Variants in NSMCE2 observed in about 807,000 individuals in gnomAD.
The protein encoded by NSMCE2 is E3 SUMO-protein ligase NSE2.
In NSMCE2, 24 loss-of-function variants were observed where a neutral mutation model predicts 23.8. The ratio of observed to expected loss-of-function variants is 1.01; its 90% confidence interval spans 0.73 to 1.42. The LOEUF is 1.42. Among genes scored for constraint, NSMCE2 ranks in the 40% most tolerant of loss-of-function variants. The pLI is 0.00. For missense variants in NSMCE2, 284 were observed against 296.5 expected (o/e 0.96, Z 0.31); for synonymous variants, 92 against 94.1 (o/e 0.98, Z 0.13).
intron 5 of NSMCE2, among the ~76,000 whole-genome samples, chr8:125,236,785 C>T (rs949809433): frequency 6.6e-6 from 1 of 151,906 alleles, no homozygotes; most frequent in Non-Finnish European, 1.5e-5. Context: ...TGCTCTATAC[C>T]ACTTGGTACA....
rs985597267 is a variant in NSMCE2 at position 125,294,798 on chromosome 8, C to T, written c.419-62421C>T. On this transcript the variant is annotated intron_variant, in intron 5 of 7. Transcript: ENST00000287437. ...CGCTATGAATTCATTCACAGTGTTC[C>T]GAGGCCTTTATCTGAGCTACTCAAG... 4.6e-5 allele frequency among the ~76,000 whole-genome samples: 7 copies of T among 152,158 alleles called. No individual in the cohort carries two copies. The East Asian group carries it at 5.8e-4, about 13-fold the overall frequency.
chr8:125,251,604 A>G (rs755569238), intron 5 of NSMCE2, among the ~76,000 whole-genome samples: 2 of 152,218 alleles, frequency 1.3e-5, no homozygotes, highest in Non-Finnish European at 2.9e-5. Context: ...AGTTTCCAGC[A>G]TATATTCCTG....
At chr8:125,327,256 A>G (rs1327945552) in intron 5 of NSMCE2, among the ~76,000 whole-genome samples, 1 of 118,446 alleles carries the variant, frequency 8.4e-6, no homozygotes, top group Non-Finnish European at 1.8e-5. Flanking sequence ...ATAAAGCAAG[A>G]CTCCATCTCA....
intron 3 of NSMCE2, among the ~76,000 whole-genome samples, chr8:125,115,802 G>A (rs1371088171): frequency 6.6e-6 from 1 of 152,192 alleles, no homozygotes; most frequent in Non-Finnish European, 1.5e-5. Context: ...CCTGGGAGAT[G>A]CTTGCTGATG....
chr8:125,217,623 C>T (rs879879671), intron 5 of NSMCE2, among the ~76,000 whole-genome samples: 1 of 152,152 alleles, frequency 6.6e-6, no homozygotes, highest in Non-Finnish European at 1.5e-5. Context: ...GCCTTGGCCT[C>T]CCAAAGTGCT....
chr8:125,192,924 A>G (rs747371290), intron 5 of NSMCE2, among the ~76,000 whole-genome samples: 3 of 152,214 alleles, frequency 2.0e-5, no homozygotes, highest in Non-Finnish European at 4.4e-5. Flanking sequence ...TTTCTTTGGA[A>G]TTCCATACTT....
chr8:125,185,133 G>A (rs1174674067), intron 5 of NSMCE2, among the ~76,000 whole-genome samples: 1 of 152,094 alleles, frequency 6.6e-6, no homozygotes, highest in East Asian at 1.9e-4. Context: ...AATCTTTTAG[G>A]TGGGGAGAGG....
chr8:125,253,086 T>A (rs1274946600), intron 5 of NSMCE2, among the ~76,000 whole-genome samples: 6 of 152,230 alleles, frequency 3.9e-5, no homozygotes, highest in Non-Finnish European at 7.3e-5. Context: ...TTCTCATGAT[T>A]TCCGATTGGA....
chr8:125,257,979 G>A (rs540120317), intron 5 of NSMCE2, among the ~76,000 whole-genome samples: 20 of 152,242 alleles, frequency 1.3e-4, no homozygotes, highest in African/African-American at 4.6e-4. Context: ...TGGAAAATAC[G>A]TAAATACTTT....
chr8:125,246,980 T>TAA (rs1370996944), intron 5 of NSMCE2, among the ~76,000 whole-genome samples: 4 of 152,140 alleles, frequency 2.6e-5, no homozygotes, highest in African/African-American at 9.7e-5. Flanking sequence ...ATAATATTGT[T>TAA]AACTATAGTC....
chr8:125,248,856 G>A (rs1326455444), intron 5 of NSMCE2, among the ~76,000 whole-genome samples: 3 of 152,098 alleles, frequency 2.0e-5, no homozygotes, highest in South Asian at 4.1e-4. Flanking sequence ...CTTGCCCTAG[G>A]GCACTCAGGT....
At chr8:125,228,760 A>G (rs1825202530) in intron 5 of NSMCE2, among the ~76,000 whole-genome samples, 1 of 152,228 alleles carries the variant, frequency 6.6e-6, no homozygotes, top group South Asian at 2.1e-4. Context: ...ACCTACAGCA[A>G]GATAATCAAT....
At chr8:125,192,715 A>C (rs1185471010) in intron 5 of NSMCE2, among the ~76,000 whole-genome samples, 1 of 152,188 alleles carries the variant, frequency 6.6e-6, no homozygotes, top group African/African-American at 2.4e-5. Flanking sequence ...AGGGCACAAT[A>C]ATGGAAATCG....
chr8:125,363,834 AATG>A (rs1563807698), intron 7 of NSMCE2, among the ~76,000 whole-genome samples: 1 of 152,188 alleles, frequency 6.6e-6, no homozygotes, highest in Non-Finnish European at 1.5e-5. Context: ...AAATCATCAA[AATG>A]ATGCATACCT....
At chr8:125,208,964 T>C (rs1824222734) in intron 5 of NSMCE2, among the ~76,000 whole-genome samples, 1 of 152,198 alleles carries the variant, frequency 6.6e-6, no homozygotes, top group South Asian at 2.1e-4. Context: ...CAAGGCTTAA[T>C]TTTGTTTTCT....
intron 5 of NSMCE2, among the ~76,000 whole-genome samples, chr8:125,234,110 G>A (rs538840835): frequency 3.3e-5 from 5 of 151,810 alleles, no homozygotes; most frequent in South Asian, 4.2e-4. Flanking sequence ...GGAGAATGGC[G>A]TGAACCCAGG....
chr8:125,118,071 G>T lies in NSMCE2; in HGVS notation c.157+15584G>T, dbSNP rs560297343. On this transcript the variant is annotated intron_variant, in intron 3 of 7. Transcript: ENST00000287437. ...CACTTTAGAGAGCTTGCTGGGCCAG[G>T]CATGGAGAAGGGTCACAACTGTAAT... Among the ~76,000 whole-genome samples, 27 of 152,226 alleles carry T rather than the reference G, an allele frequency of 1.8e-4. No individual in the cohort carries two copies. The South Asian group carries it at 5.4e-3, about 30-fold the overall frequency.
chr8:125,182,457 C>G (rs1586576550), intron 5 of NSMCE2: 1 of 580,668 alleles, frequency 1.7e-6, no homozygotes, highest in East Asian at 3.0e-5. Flanking sequence ...TGAAAGCCAA[C>G]AGTTTCCACA....
chr8:125,257,601 T>A (rs1469212932), intron 5 of NSMCE2, among the ~76,000 whole-genome samples: 1 of 135,286 alleles, frequency 7.4e-6, no homozygotes, highest in East Asian at 2.4e-4. Flanking sequence ...TGGCGCGATC[T>A]CAGCTCACTG....
Sources: allele counts gnomAD v4.1 joint callset (sites outside exome capture counted in the v4.1 genomes callset), GRCh38; gene constraint gnomAD v4.1.1; transcripts MANE v1.5; gene names NCBI Gene and HGNC (gene_info 2026-07-23, HGNC 2026-07-21).